Variants in USP9X observed in about 807,000 individuals in gnomAD.
USP9X encodes the protein ubiquitin carboxyl-terminal hydrolase 9X.
Under a neutral mutation model 190.3 loss-of-function variants are expected in USP9X, and 7 were observed. The observed-to-expected ratio is 0.04, with a 90% CI of 0.02 to 0.07. USP9X has a LOEUF of 0.07. USP9X is among the 10% of genes least tolerant of loss of function. The probability of loss-of-function intolerance (pLI) is 1.00; values close to 1 mark genes in which losing one functional copy is unlikely to be tolerated. For synonymous variants in USP9X, 645 were observed against 659.5 expected, an observed-to-expected ratio of 0.98 and a Z score of 0.34; for missense variants, 1,010 against 1,916.9, an observed-to-expected ratio of 0.53 and a Z score of 8.83.
intron 26 of USP9X, among the ~76,000 whole-genome samples, chrX:41,191,938 C>G (rs2062940011): frequency 9.0e-6 from 1 of 111,206 alleles, no homozygotes; most frequent in Non-Finnish European, 1.9e-5. Flanking sequence ...TCTCTCTCTC[C>G]CTTTCTCACT....
chrX:41,139,761 A>ATT (rs934768896), intron 6 of USP9X, among the ~76,000 whole-genome samples: 1 of 109,926 alleles, frequency 9.1e-6, no homozygotes. Context: ...TTTTTCCTGT[A>ATT]TTTTTTTTTT....
chrX:41,176,658 A>G (rs1397701699), intron 21 of USP9X, among the ~76,000 whole-genome samples: 1 of 112,191 alleles, frequency 8.9e-6, no homozygotes, highest in Non-Finnish European at 1.9e-5. Flanking sequence ...CTGCTTACAC[A>G]TCTACCCAGC....
chrX:41,186,185 A>G (rs148082876), intron 23 of USP9X, among the ~76,000 whole-genome samples: 2 of 111,236 alleles, frequency 1.8e-5, no homozygotes, highest in Non-Finnish European at 3.8e-5. Flanking sequence ...AGGCATGTAC[A>G]TAAAAGATGT....
intron 14 of USP9X, among the ~76,000 whole-genome samples, chrX:41,155,423 A>G (rs2062568173): frequency 8.9e-6 from 1 of 111,881 alleles, no homozygotes; most frequent in Non-Finnish European, 1.9e-5. Context: ...TCATTGGTAG[A>G]ATAGTCATTC....
At chrX:41,207,158 A>G (rs111818192) in intron 32 of USP9X, among the ~76,000 whole-genome samples, 1 of 90,767 alleles carries the variant, frequency 1.1e-5, no homozygotes, top group Admixed American at 1.5e-4. Flanking sequence ...GCTCGATCTC[A>G]GCTCACTGCA....
rs1179076353 is a variant in USP9X at position 41,144,611 on chromosome X, T to G, written c.1404T>G (p.Leu468=). 1.7e-6 allele frequency: 2 copies of G among 1,201,581 alleles called. No individual in the cohort carries two copies. The highest frequency in any genetic ancestry group is 2.3e-6 in the Non-Finnish European group (2 of 886,825). Residue 468 remains leucine, a synonymous_variant, in exon 11 of 45, where the codon CTT becomes CTG. Transcript: ENST00000378308. ...TTTCTCCTGAACAACTTGATCATCT[T>G]TTTGATTGTTTTAAGGTAATTGTTA... ...WDFSPEQLDH[L]FDCFKASWTN... is the part of the protein sequence containing the mutation.
At chrX:41,165,134 A>G (rs1017426678) in intron 15 of USP9X, among the ~76,000 whole-genome samples, 1 of 106,902 alleles carries the variant, frequency 9.4e-6, no homozygotes, top group Non-Finnish European at 1.9e-5. Context: ...TCATTTTTCA[A>G]TGATGCCATA....
rs2063389922 is a variant in USP9X at position 41,234,909 on chromosome X, A to G, written c.*2385A>G. On this transcript the variant is annotated 3_prime_UTR_variant, in exon 45 of 45. Coordinates refer to ENST00000378308, the MANE Select transcript of USP9X (RefSeq NM_001039591.3). ...AAAGTTCCTCAATTCCAAGCTCTTTAAACGAGTGAAATAGGTTAACTTTAT... is the reference window on the plus strand; with the variant it reads ...AAAGTTCCTCAATTCCAAGCTCTTTGAACGAGTGAAATAGGTTAACTTTAT... 1.8e-5 allele frequency: 2 copies of G among 112,217 alleles called. No homozygotes were observed. The highest frequency in any genetic ancestry group is 3.8e-5 in the Non-Finnish European group (2 of 53,215). The allele number at this position is 112,217 out of a possible 1,213,427, so 9.2% of individuals were successfully genotyped here.
intron 1 of USP9X, among the ~76,000 whole-genome samples, chrX:41,093,786 A>G (rs1329940573): frequency 8.9e-6 from 1 of 112,099 alleles, no homozygotes; most frequent in Non-Finnish European, 1.9e-5. Context: ...ATGAAATAGG[A>G]ATTAAGTGAG....
At chrX:41,189,004 A>G (rs1433691467) in intron 25 of USP9X, among the ~76,000 whole-genome samples, 5 of 112,452 alleles carry the variant, frequency 4.4e-5, no homozygotes, top group Non-Finnish European at 7.5e-5. Flanking sequence ...GTGGTTCCTG[A>G]GAAAGGATTG....
rs1569178400 is a variant in USP9X, at chrX:41,170,123, G to A, written c.2765G>A (p.Arg922His). 1 of 1,211,674 alleles carries A rather than the reference G, an allele frequency of 8.3e-7. No individual in the cohort carries two copies. Among genetic ancestry groups the A allele is most frequent in the Non-Finnish European group, 1.1e-6 (1 of 895,497 alleles). ...IGSVRRCILNRIKANVAHTKI... is the reference protein window; with the variant it reads ...IGSVRRCILNHIKANVAHTKI... ...TCAGTACGACGATGTATTCTCAATC[G>A]TATTAAAGCCAACGTAGCCCATACA... is the stretch of plus-strand genomic sequence containing the variant. The change falls in exon 19 of 45, where the codon CGT becomes CAT. Residue 922 changes from arginine to histidine, a missense_variant. Physicochemically the swap from Arg to His is conservative, Grantham distance 29. Transcript: ENST00000378308.
At chrX:41,110,058 C>G (rs1282176213) in intron 1 of USP9X, among the ~76,000 whole-genome samples, 1 of 110,931 alleles carries the variant, frequency 9.0e-6, no homozygotes, top group Non-Finnish European at 1.9e-5. Context: ...GGAGAGATCC[C>G]CAGACTTCTC....
At chrX:41,087,455 TCTA>T (rs996855820) in intron 1 of USP9X, among the ~76,000 whole-genome samples, 14 of 112,469 alleles carry the variant, frequency 1.2e-4, no homozygotes, top group African/African-American at 4.2e-4. Context: ...TCGCTCGTCT[TCTA>T]ATTCGCTGGG....
At position 41,141,449 on chromosome X, in the gene USP9X, T is replaced by G. The variant is rs1569165827; in HGVS notation, c.1161+18T>G. 8.7e-7 allele frequency: 1 copy of G among 1,148,588 alleles called. No homozygotes were observed. The highest frequency in any genetic ancestry group is 1.2e-6 in the Non-Finnish European group (1 of 867,042). The allele number at this position is 1,148,588 out of a possible 1,213,427, so 94.7% of individuals were successfully genotyped here. A position where few individuals can be genotyped will look rare whatever the true frequency, so the allele number is the denominator to read the frequency against. On this transcript the variant is annotated intron_variant, in intron 9 of 44. Coordinates refer to ENST00000378308, the MANE Select transcript of USP9X (RefSeq NM_001039591.3). Reference sequence around the variant, plus strand: ...GAATGGCAGTGAGTCTTTCAGTTCTTCTTCATAGGAATAAGAATCTACTTA... The same window carrying G: ...GAATGGCAGTGAGTCTTTCAGTTCTGCTTCATAGGAATAAGAATCTACTTA...
chrX:41,191,263 A>G (rs1228035912), intron 26 of USP9X, among the ~76,000 whole-genome samples: 1 of 105,258 alleles, frequency 9.5e-6, no homozygotes, highest in Non-Finnish European at 1.9e-5. Context: ...CGGAAGGCGG[A>G]TGTTGCAGTG....
chrX:41,096,563 CT>C (rs1235178336), intron 1 of USP9X, among the ~76,000 whole-genome samples: 1 of 111,664 alleles, frequency 9.0e-6, no homozygotes, highest in Non-Finnish European at 1.9e-5. Context: ...CTGCCTCTGC[CT>C]CTCAAGTAGC....
chrX:41,166,970 T>TA (rs2062683477), intron 16 of USP9X, among the ~76,000 whole-genome samples: 1 of 112,007 alleles, frequency 8.9e-6, no homozygotes, highest in Non-Finnish European at 1.9e-5. Flanking sequence ...TCCCCATGCT[T>TA]ATCCCCTTTC....
intron 21 of USP9X, among the ~76,000 whole-genome samples, chrX:41,183,384 G>T (rs2062845303): frequency 9.0e-6 from 1 of 111,126 alleles, no homozygotes; most frequent in African/African-American, 3.3e-5. Context: ...GGAATATTTG[G>T]TAGCTAATGC....
intron 1 of USP9X, among the ~76,000 whole-genome samples, chrX:41,108,913 C>T (rs1298369772): frequency 9.0e-6 from 1 of 111,275 alleles, no homozygotes; most frequent in African/African-American, 3.3e-5. Flanking sequence ...AAAAAAGAGC[C>T]CCAGACTTCT....
Sources: allele counts gnomAD v4.1 joint callset (sites outside exome capture counted in the v4.1 genomes callset), GRCh38; gene constraint gnomAD v4.1.1; transcripts MANE v1.5; gene names NCBI Gene and HGNC (gene_info 2026-07-23, HGNC 2026-07-21).